Variants in FSTL5 observed in about 807,000 individuals in gnomAD.
The protein encoded by FSTL5 is follistatin-related protein 5.
A neutral mutation model predicts 89.1 loss-of-function variants in FSTL5; 62 were observed. That is an observed-to-expected ratio of 0.70 (90% CI 0.57 to 0.86). The LOEUF is 0.86. Among genes scored for constraint, FSTL5 ranks in the 40% least tolerant of loss-of-function variants. The pLI is 0.00. For synonymous variants in FSTL5, 383 were observed against 346.2 expected, an observed-to-expected ratio of 1.11 and a Z score of -1.18; for missense variants, 1,057 against 1,001.6, an observed-to-expected ratio of 1.06 and a Z score of -0.75.
intron 7 of FSTL5, among the ~76,000 whole-genome samples, chr4:161,609,644 A>G (rs1734572396): frequency 6.6e-6 from 1 of 152,024 alleles, no homozygotes; most frequent in Non-Finnish European, 1.5e-5. Flanking sequence ...CTTTTAAGCT[A>G]ATAATTTATC....
chr4:161,434,905 TC>T (rs1732503182), intron 15 of FSTL5, among the ~76,000 whole-genome samples: 1 of 151,974 alleles, frequency 6.6e-6, no homozygotes, highest in Admixed American at 6.6e-5. Flanking sequence ...TGGCTTTTAT[TC>T]AAAAGACAGG....
chr4:161,920,488 C>T lies in FSTL5; in HGVS notation c.325G>A (p.Glu109Lys). 1 of 1,612,656 alleles carries T rather than the reference C, an allele frequency of 6.2e-7. No homozygotes were observed. The highest frequency in any genetic ancestry group is 8.5e-7 in the Non-Finnish European group (1 of 1,179,570). The part of the protein sequence containing the change: ...PVCGSDGEFY[E>K]NHCEVHRAAC... Reference sequence around the variant, plus strand: ...GCTCTGTGCACTTCACAGTGGTTTTCATAGAATTCTCCGTCAGATCCACAC... The same window carrying T: ...GCTCTGTGCACTTCACAGTGGTTTTTATAGAATTCTCCGTCAGATCCACAC... Residue 109 changes from glutamate to lysine, a missense_variant, in exon 4 of 16, where the codon GAA becomes AAA. Physicochemically the swap from Glu to Lys is moderately conservative, Grantham distance 56. This residue lies in a region of FSTL5 where 980 missense variants were observed against 903.2 expected (regional missense o/e 1.08). Coordinates refer to ENST00000306100, the MANE Select transcript of FSTL5 (RefSeq NM_020116.5).
chr4:161,565,497 T>C (rs754703980), intron 8 of FSTL5, among the ~76,000 whole-genome samples: 5 of 151,834 alleles, frequency 3.3e-5, no homozygotes, highest in Non-Finnish European at 7.4e-5. Flanking sequence ...CTTACACAAG[T>C]GGCAGTCTTG....
At chr4:161,637,913 G>A (rs1735782267) in intron 7 of FSTL5, among the ~76,000 whole-genome samples, 1 of 141,614 alleles carries the variant, frequency 7.1e-6, no homozygotes, top group Non-Finnish European at 1.5e-5. Context: ...CTCCAGCTTT[G>A]TTCTTTTGGC....
rs111462453 is a variant in FSTL5, at chr4:161,996,379, A to G, written c.160+37246T>C. Among the ~76,000 whole-genome samples the G allele has an allele frequency of 7.0e-3, 1,065 of 152,270 alleles. 12 individuals are homozygous for G. Among genetic ancestry groups the G allele is most frequent in the African/African-American group, 0.024 (1,017 of 41,566 alleles). Reference sequence around the variant, plus strand: ...ACAAATATCCAGGCACTTGTGAGTCATCTACATCTCTTCCTTTCCTCTCAC... The same window carrying G: ...ACAAATATCCAGGCACTTGTGAGTCGTCTACATCTCTTCCTTTCCTCTCAC... On this transcript the variant is annotated intron_variant, in intron 3 of 15. Coordinates refer to ENST00000306100, the MANE Select transcript of FSTL5 (RefSeq NM_020116.5).
At chr4:161,898,054 C>T (rs1302382755) in intron 4 of FSTL5, among the ~76,000 whole-genome samples, 1 of 149,188 alleles carries the variant, frequency 6.7e-6, no homozygotes, top group African/African-American at 2.4e-5. Flanking sequence ...TGTGAATTGA[C>T]AGCTCATTTT....
intron 10 of FSTL5, among the ~76,000 whole-genome samples, chr4:161,511,248 T>C (rs1186514136): frequency 1.3e-5 from 2 of 152,164 alleles, no homozygotes; most frequent in Non-Finnish European, 2.9e-5. Flanking sequence ...TAAAACTTAA[T>C]GACTTTTTTT....
intron 6 of FSTL5, among the ~76,000 whole-genome samples, chr4:161,730,096 A>T (rs1739554663): frequency 6.6e-6 from 1 of 152,168 alleles, no homozygotes; most frequent in South Asian, 2.1e-4. Flanking sequence ...TATAAAGATG[A>T]ATGCTTTTAT....
intron 8 of FSTL5, among the ~76,000 whole-genome samples, chr4:161,578,031 C>G (rs1040686340): frequency 1.3e-5 from 2 of 151,832 alleles, no homozygotes; most frequent in East Asian, 3.9e-4. Flanking sequence ...AAACAAAACT[C>G]AATGCTTCGG....
chr4:162,059,309 G>T (rs1295027129), intron 2 of FSTL5, among the ~76,000 whole-genome samples: 1 of 152,134 alleles, frequency 6.6e-6, no homozygotes, highest in African/African-American at 2.4e-5. Context: ...TCTTGAAACT[G>T]AAATATTAGC....
intron 10 of FSTL5, among the ~76,000 whole-genome samples, chr4:161,512,182 T>C (rs1240497410): frequency 2.6e-5 from 4 of 152,096 alleles, no homozygotes; most frequent in African/African-American, 7.2e-5. Flanking sequence ...ATTAGACTTA[T>C]AAATCTTTCT....
intron 4 of FSTL5, among the ~76,000 whole-genome samples, chr4:161,849,015 G>T (rs1217196002): frequency 6.6e-6 from 1 of 152,106 alleles, no homozygotes; most frequent in Non-Finnish European, 1.5e-5. Context: ...GAGAAAATGG[G>T]AAAAGTATTA....
intron 6 of FSTL5, among the ~76,000 whole-genome samples, chr4:161,688,186 G>A (rs1354286308): frequency 6.6e-6 from 1 of 152,180 alleles, no homozygotes; most frequent in Admixed American, 6.5e-5. Flanking sequence ...GTGCTCAAGT[G>A]ATCCTGCCAC....
At chr4:162,056,398 T>C (rs1270535115) in intron 2 of FSTL5, among the ~76,000 whole-genome samples, 3 of 151,378 alleles carry the variant, frequency 2.0e-5, no homozygotes, top group African/African-American at 7.4e-5. Context: ...GCAGGTATTC[T>C]TGGAGATAGC....
chr4:161,856,911 T>G (rs1247690606), intron 4 of FSTL5, among the ~76,000 whole-genome samples: 1 of 152,038 alleles, frequency 6.6e-6, no homozygotes. Flanking sequence ...AGCCAGATTG[T>G]GGTTAGCATG....
At chr4:161,601,329 GAA>G (rs35261391) in intron 7 of FSTL5, among the ~76,000 whole-genome samples, 1,486 of 107,498 alleles carry the variant, frequency 0.014, 15 homozygotes, top group African/African-American at 0.028. Context: ...TAAATAGTTG[GAA>G]AAAAAAAAAA....
intron 3 of FSTL5, among the ~76,000 whole-genome samples, chr4:162,016,857 C>T (rs1406888201): frequency 2.0e-5 from 3 of 152,064 alleles, no homozygotes; most frequent in African/African-American, 7.2e-5. Flanking sequence ...AGAGTTAAAG[C>T]TATTTTTTTC....
chr4:161,812,878 G>GAAAAAAAAA (rs1730199696), intron 4 of FSTL5, among the ~76,000 whole-genome samples: 2 of 3,946 alleles, frequency 5.1e-4, no homozygotes, highest in Non-Finnish European at 9.9e-4. Flanking sequence ...CTAAATCCCA[G>GAAAAAAAAA]CAAAAAAAAA....
At chr4:161,950,694 A>G (rs577898769) in intron 3 of FSTL5, among the ~76,000 whole-genome samples, 5 of 152,086 alleles carry the variant, frequency 3.3e-5, no homozygotes, top group Middle Eastern at 3.4e-3. Context: ...AAATATCCTG[A>G]CCTGTTCTCA....
Sources: allele counts gnomAD v4.1 joint callset (sites outside exome capture counted in the v4.1 genomes callset), GRCh38; gene constraint gnomAD v4.1.1; regional missense constraint gnomAD v4.1.1; transcripts MANE v1.5; gene names NCBI Gene and HGNC (gene_info 2026-07-23, HGNC 2026-07-21).